SLC7A9: variants seen among roughly 807,000 people sequenced by gnomAD.
The protein encoded by SLC7A9 is solute carrier family 7 member 9.
A neutral mutation model predicts 54.1 loss-of-function variants in SLC7A9; 38 were observed. The observed-to-expected ratio is 0.70, with a 90% CI of 0.54 to 0.92. The LOEUF (loss-of-function observed/expected upper bound fraction) is 0.92. SLC7A9 is among the 40% of genes least tolerant of loss of function. The pLI is 0.00. For missense variants in SLC7A9, 537 were observed against 636.1 expected (o/e 0.84, Z 1.68); for synonymous variants, 264 against 258.9 (o/e 1.02, Z -0.19).
chr19:32,860,470 CAA>C (rs5827823), intron 7 of SLC7A9, 134 bp downstream of exon 7: 8,916 of 1,312,552 alleles, frequency 6.8e-3, no homozygotes, highest in South Asian at 0.011. Context: ...GACTCTGTCT[CAA>C]AAAAAAAAAA....
intron 9 of SLC7A9, among the ~76,000 whole-genome samples, chr19:32,851,178 T>C (rs56407335): frequency 0.058 from 8,812 of 151,946 alleles, 466 homozygotes; most frequent in African/African-American, 0.14. Context: ...ACAAATGGGA[T>C]CTAATTAAAC....
chr19:32,865,112 C>A (rs558548545), intron 2 of SLC7A9, among the ~76,000 whole-genome samples: 1 of 152,128 alleles, frequency 6.6e-6, no homozygotes, highest in Non-Finnish European at 1.5e-5. Context: ...CGTGCCTAAC[C>A]GTGATCCTGT....
rs780529979 is a variant in SLC7A9, at chr19:32,864,174, C to T, written c.400G>A (p.Glu134Lys). The change falls in exon 4 of 13, where the codon GAG becomes AAG. Residue 134 changes from glutamate (E) to lysine (K), a missense_variant. Physicochemically the swap from Glu to Lys is moderately conservative, Grantham distance 56 (BLOSUM62 1). Transcript: ENST00000023064. Reference sequence around the variant, plus strand: ...ACATAGAAGGGCGCACACACATACTCGGAGAAGCTGAGGCAGATGATGGCG... The same window carrying T: ...ACATAGAAGGGCGCACACACATACTTGGAGAAGCTGAGGCAGATGATGGCG... ...SFAIICLSFS[E>K]YVCAPFYVGC... 7.4e-6 allele frequency: 12 copies of T among 1,614,092 alleles called. No homozygotes were observed. The South Asian group carries it at 8.8e-5, about 12-fold the overall frequency.
intron 9 of SLC7A9, among the ~76,000 whole-genome samples, chr19:32,846,830 G>T (rs1051085653): frequency 6.6e-6 from 1 of 152,176 alleles, no homozygotes; most frequent in Non-Finnish European, 1.5e-5. Context: ...AATTCCAGAG[G>T]AACAATCAGG....
intron 9 of SLC7A9, among the ~76,000 whole-genome samples, chr19:32,845,852 A>G (rs1166426188): frequency 6.6e-6 from 1 of 152,058 alleles, no homozygotes; most frequent in Non-Finnish European, 1.5e-5. Context: ...TCCTAAAAAC[A>G]CAAAAATTAG....
chr19:32,840,692 A>G lies in SLC7A9; in HGVS notation c.1224+1476T>C, dbSNP rs149192897. On this transcript the variant is annotated intron_variant, in intron 11 of 12. Coordinates refer to ENST00000023064, the MANE Select transcript of SLC7A9 (RefSeq NM_014270.5). ...CTTGCTGTTGTCGTCAGTGATCCTT[A>G]TCCTTCTGGAAAGGAGTTTTTGTGG... Among the ~76,000 whole-genome samples the G allele has an allele frequency of 6.6e-3, 1,004 of 151,990 alleles. 15 individuals carry two copies. Among genetic ancestry groups the G allele is most frequent in the Middle Eastern group, 0.037 (11 of 294 alleles).
chr19:32,846,774 G>A (rs1399415589), intron 9 of SLC7A9, among the ~76,000 whole-genome samples: 1 of 152,222 alleles, frequency 6.6e-6, no homozygotes, highest in African/African-American at 2.4e-5. Context: ...CCCCCCAGTA[G>A]GGGCAGACTG....
chr19:32,860,545 C>T, intron 7 of SLC7A9, 61 bp downstream of exon 7: 1 of 1,613,462 alleles, frequency 6.2e-7, no homozygotes, highest in African/African-American at 1.3e-5. Context: ...CTCCAGCCTT[C>T]ACCAGGAGAA....
At chr19:32,858,800 A>ATTTATTTATTTATTTATT in intron 8 of SLC7A9, among the ~76,000 whole-genome samples, 1 of 150,604 alleles carries the variant, frequency 6.6e-6, no homozygotes, top group African/African-American at 2.5e-5. Flanking sequence ...TTATTTATTT[A>ATTTATTTATTTATTTATT]TTTCTGAGAT....
chr19:32,865,585 A>C (rs1968943375), intron 2 of SLC7A9, among the ~76,000 whole-genome samples: 1 of 152,214 alleles, frequency 6.6e-6, no homozygotes, highest in South Asian at 2.1e-4. Context: ...CAGCCACAGG[A>C]ATTCAGGGCT....
chr19:32,860,025 CGCCCTCCCTGAG>C, intron 7 of SLC7A9, 61 bp from the exon 8 acceptor site: 3 of 1,613,368 alleles, frequency 1.9e-6, no homozygotes, highest in Admixed American at 3.3e-5. Flanking sequence ...GGAAGATGGA[CGCCCTCCCTGAG>C]GCCCTCCCAG....
At chr19:32,844,417 C>T (rs1472376675) in intron 9 of SLC7A9, among the ~76,000 whole-genome samples, 1 of 152,166 alleles carries the variant, frequency 6.6e-6, no homozygotes, top group African/African-American at 2.4e-5. Context: ...AGAACCTGTT[C>T]CTCCTGTCTA....
At chr19:32,832,185 A>T (rs180968936) in intron 12 of SLC7A9, among the ~76,000 whole-genome samples, 148 of 152,200 alleles carry the variant, frequency 9.7e-4, no homozygotes, top group African/African-American at 3.3e-3. Context: ...ACTACTCAGG[A>T]GGCTGAGGCA....
At chr19:32,837,966 C>A (rs539719817) in intron 11 of SLC7A9, among the ~76,000 whole-genome samples, 40 of 152,146 alleles carry the variant, frequency 2.6e-4, no homozygotes, top group Middle Eastern at 3.2e-3. Flanking sequence ...TCCTAATAAG[C>A]AGTCTACAAG....
chr19:32,832,740 C>T (rs1599647636), intron 12 of SLC7A9: 1 of 230,322 alleles, frequency 4.3e-6, no homozygotes, highest in East Asian at 1.1e-4. Flanking sequence ...AGCGAGACTC[C>T]TTCTCTACAA....
intron 12 of SLC7A9, among the ~76,000 whole-genome samples, chr19:32,830,904 T>G (rs566175695): frequency 2.4e-4 from 36 of 152,234 alleles, no homozygotes; most frequent in Admixed American, 1.7e-3. Context: ...AAAAACCTCC[T>G]AGGAGTGTCC....
intron 8 of SLC7A9, 66 bp from the exon 9 acceptor site, chr19:32,858,609 A>C: frequency 1.4e-5 from 18 of 1,315,952 alleles, no homozygotes; most frequent in Non-Finnish European, 1.8e-5. Context: ...CGGCCCCCAA[A>C]AGCTATTCTG....
At chr19:32,857,425 CAG>C (rs1367653288) in intron 9 of SLC7A9, among the ~76,000 whole-genome samples, 1 of 152,104 alleles carries the variant, frequency 6.6e-6, no homozygotes, top group Non-Finnish European at 1.5e-5. Context: ...GCCTGGGCGA[CAG>C]AGTGAGACCT....
chr19:32,864,199 G>A lies in SLC7A9; in HGVS notation c.375C>T (p.Phe125=), dbSNP rs773926050. The A allele has an allele frequency of 8.1e-6, 13 of 1,614,104 alleles. No individual in the cohort carries two copies. The East Asian group carries it at 8.9e-5, about 11-fold the overall frequency. ...CGGAGAAGCTGAGGCAGATGATGGCGAAGGACGTGGGCTTAATGACGATCA... is the reference window on the plus strand; with the variant it reads ...CGGAGAAGCTGAGGCAGATGATGGCAAAGGACGTGGGCTTAATGACGATCA... ...ASLIVIKPTS[F]AIICLSFSEY... is the part of the protein sequence containing the mutation. Residue 125 remains phenylalanine, a synonymous_variant, in exon 4 of 13, where the codon TTC becomes TTT. Transcript: ENST00000023064.
Sources: allele counts gnomAD v4.1 joint callset (sites outside exome capture counted in the v4.1 genomes callset), GRCh38; gene constraint gnomAD v4.1.1; transcripts MANE v1.5; gene names NCBI Gene and HGNC (gene_info 2026-07-23, HGNC 2026-07-21).